ALMS1: variants seen among roughly 807,000 people sequenced by gnomAD.
ALMS1 encodes ALMS1 centrosome and basal body associated protein, also known as centrosome-associated protein ALMS1.
A neutral mutation model predicts 352.2 loss-of-function variants in ALMS1; 271 were observed. The observed-to-expected ratio is 0.77, with a 90% CI of 0.70 to 0.85. The LOEUF (loss-of-function observed/expected upper bound fraction) is 0.85, where lower values mean the gene tolerates loss of function less well. ALMS1 is among the 40% of genes least tolerant of loss of function. The pLI, the probability that ALMS1 is intolerant of heterozygous loss-of-function variation, is 0.00. For missense variants in ALMS1, 5,445 were observed against 4,870.7 expected, an observed-to-expected ratio of 1.12 and a Z score of -3.51; for synonymous variants, 1,865 against 1,761.2, an observed-to-expected ratio of 1.06 and a Z score of -1.48.
chr2:73,568,993 T>C (rs543707896), intron 15 of ALMS1, among the ~76,000 whole-genome samples: 39 of 122,048 alleles, frequency 3.2e-4, no homozygotes, highest in African/African-American at 1.2e-3. Flanking sequence ...CTGCTTCTGC[T>C]TCTTTTTTTT....
At chr2:73,600,947 A>C (rs966108426) in intron 18 of ALMS1, 66 bp downstream of exon 18, 2 of 1,539,014 alleles carry the variant, frequency 1.3e-6, no homozygotes, top group African/African-American at 2.8e-5. Flanking sequence ...TGCGATGCTG[A>C]CTCTGTGTTT....
intron 1 of ALMS1, among the ~76,000 whole-genome samples, chr2:73,396,692 G>A (rs1316414923): frequency 6.7e-6 from 1 of 148,458 alleles, no homozygotes; most frequent in African/African-American, 2.5e-5. Context: ...CGCACAGGCT[G>A]GGGGTGCAGT....
At chr2:73,422,613 A>G (rs1214618518) in intron 3 of ALMS1, among the ~76,000 whole-genome samples, 1 of 152,174 alleles carries the variant, frequency 6.6e-6, no homozygotes, top group Admixed American at 6.5e-5. Context: ...TATAAGATAT[A>G]TATAATAATA....
chr2:73,513,747 G>A (rs1249398385), intron 10 of ALMS1, among the ~76,000 whole-genome samples: 1 of 152,068 alleles, frequency 6.6e-6, no homozygotes, highest in Non-Finnish European at 1.5e-5. Flanking sequence ...CCTCTTCATG[G>A]AAGCCCTCCA....
intron 11 of ALMS1, among the ~76,000 whole-genome samples, chr2:73,531,656 A>C (rs373380085): frequency 6.6e-6 from 1 of 152,202 alleles, no homozygotes; most frequent in Non-Finnish European, 1.5e-5. Flanking sequence ...TCTGGCACCA[A>C]TTCTTTGTAT....
chr2:73,490,241 C>T lies in ALMS1; in HGVS notation c.8282C>T (p.Pro2761Leu). The change falls in exon 10 of 23, where the codon CCC becomes CTC. Residue 2761 changes from proline (P) to leucine (L), a missense_variant. Coordinates refer to ENST00000613296, the MANE Select transcript of ALMS1 (RefSeq NM_001378454.1). ...CATTTCACTGAAGAACAAAATCCTC[C>T]CAGAGATCTTAAACAGAAAACCTCT... ...NSHFTEEQNP[P>L]RDLKQKTSSP... 6.2e-7 allele frequency: 1 copy of T among 1,613,972 alleles called. No individual in the cohort carries two copies. The highest frequency in any genetic ancestry group is 8.5e-7 in the Non-Finnish European group (1 of 1,180,004).
At chr2:73,437,816 G>C (rs1209588501) in intron 7 of ALMS1, among the ~76,000 whole-genome samples, 1 of 152,114 alleles carries the variant, frequency 6.6e-6, no homozygotes. Context: ...CTACTCAGTG[G>C]AGAGGCTTCC....
intron 7 of ALMS1, among the ~76,000 whole-genome samples, chr2:73,446,925 G>T (rs763221864): frequency 2.6e-5 from 4 of 152,066 alleles, no homozygotes; most frequent in Non-Finnish European, 5.9e-5. Flanking sequence ...TTCCCTATAC[G>T]TAAAAAATAG....
intron 11 of ALMS1, 77 bp from the exon 12 acceptor site, chr2:73,534,747 A>C: frequency 6.7e-7 from 1 of 1,503,548 alleles, no homozygotes; most frequent in South Asian, 1.1e-5. Context: ...TGCCTGAAAC[A>C]TAGAAGGCAT....
intron 11 of ALMS1, among the ~76,000 whole-genome samples, chr2:73,527,049 T>C (rs1008205664): frequency 2.6e-5 from 4 of 152,112 alleles, no homozygotes; most frequent in African/African-American, 9.7e-5. Flanking sequence ...TTGTCCTCCA[T>C]TTTGTTGATG....
Position 73,397,092 on chromosome 2 carries a change from G to A in ALMS1, c.324+10900G>A, listed in dbSNP as rs118169031. ...CATCTTAACTGTGGTAACATGCTAG[G>A]GGTTGTGGAGATAAAACTTACAGAA... On this transcript the variant is annotated intron_variant, in intron 1 of 22. Transcript: ENST00000613296. 3.3e-4 allele frequency among the ~76,000 whole-genome samples: 51 copies of A among 152,250 alleles called. No individual in the cohort carries two copies. The East Asian group carries it at 9.5e-3, about 28-fold the overall frequency.
At chr2:73,471,896 T>C (rs115790731) in intron 9 of ALMS1, among the ~76,000 whole-genome samples, 2,067 of 152,072 alleles carry the variant, frequency 0.014, 36 homozygotes, top group Non-Finnish European at 0.019. Context: ...CTTGAGGAGA[T>C]CCCATGTTCA....
chr2:73,411,896 A>G (rs938011381), intron 2 of ALMS1, among the ~76,000 whole-genome samples: 4 of 152,202 alleles, frequency 2.6e-5, no homozygotes, highest in African/African-American at 9.6e-5. Flanking sequence ...CCATGATCAC[A>G]GTCTATCTAG....
intron 10 of ALMS1, among the ~76,000 whole-genome samples, chr2:73,516,331 C>T (rs1209704549): frequency 6.6e-6 from 1 of 152,062 alleles, no homozygotes; most frequent in Non-Finnish European, 1.5e-5. Context: ...AAAGGGAAGG[C>T]TTGTACACTG....
chr2:73,460,156 C>G (rs1290745099), intron 9 of ALMS1, among the ~76,000 whole-genome samples: 5 of 152,106 alleles, frequency 3.3e-5, no homozygotes, highest in Admixed American at 2.6e-4. Flanking sequence ...TCTCCCTCAG[C>G]CCCACTGCTC....
intron 9 of ALMS1, among the ~76,000 whole-genome samples, chr2:73,467,778 G>T (rs72811918): frequency 0.03 from 4,598 of 152,062 alleles, 109 homozygotes; most frequent in Non-Finnish European, 0.047. Context: ...AACTACTACT[G>T]CCTCAACAAC....
intron 10 of ALMS1, among the ~76,000 whole-genome samples, chr2:73,500,262 G>A (rs937940047): frequency 6.6e-6 from 1 of 152,196 alleles, no homozygotes; most frequent in Non-Finnish European, 1.5e-5. Context: ...CCAGCCTTCT[G>A]TAGGTTGTTG....
chr2:73,589,221 A>G (rs1311539445), intron 16 of ALMS1, among the ~76,000 whole-genome samples: 1 of 107,954 alleles, frequency 9.3e-6, no homozygotes, highest in Non-Finnish European at 1.7e-5. Context: ...ATTGATAAAC[A>G]CAAAAAGTTA....
intron 15 of ALMS1, among the ~76,000 whole-genome samples, chr2:73,571,324 A>G (rs1674922132): frequency 2.0e-5 from 3 of 152,186 alleles, no homozygotes; most frequent in Non-Finnish European, 4.4e-5. Context: ...CATATCAGAG[A>G]TTAGAATTAG....
Sources: allele counts gnomAD v4.1 joint callset (sites outside exome capture counted in the v4.1 genomes callset), GRCh38; gene constraint gnomAD v4.1.1; transcripts MANE v1.5; gene names NCBI Gene and HGNC (gene_info 2026-07-23, HGNC 2026-07-21).